The following FGF13 variants were observed in gnomAD, a reference collection of about 807,000 sequenced individuals.
FGF13 encodes the protein fibroblast growth factor homologous factor 2.
A neutral mutation model predicts 19.5 loss-of-function variants in FGF13; 2 were observed. That is an observed-to-expected ratio of 0.10 (90% CI 0.04 to 0.32). The LOEUF is 0.32. Among genes scored for constraint, FGF13 ranks in the 10% least tolerant of loss-of-function variants. The pLI is 1.00. For synonymous variants in FGF13, 72 were observed against 76.9 expected (o/e 0.94, Z 0.33); for missense variants, 113 against 192.7 (o/e 0.59, Z 2.45).
chrX:138,703,170 C>T, intron 2 of FGF13, 83 bp from the exon 3 acceptor site: 1 of 717,010 alleles, frequency 1.4e-6, no homozygotes, highest in Non-Finnish European at 2.2e-6. Context: ...ACTGCCTGGT[C>T]CTCCAAAAGT....
chrX:138,892,002 A>ATATGTGTGTGTGTGTGTGTGTGTGTGTG (rs756839627), intron 1 of FGF13, among the ~76,000 whole-genome samples: 2 of 90,369 alleles, frequency 2.2e-5, no homozygotes, highest in African/African-American at 8.5e-5. Context: ...ATATATACAT[A>ATATGTGTGTGTGTGTGTGTGTGTGTGTG]TGTGTGTGTG....
rs141633417 is a variant in FGF13 at position 138,936,837 on chromosome X, G to A, written c.-112-72187C>T. Among the ~76,000 whole-genome samples the A allele has an allele frequency of 3.2e-3, 356 of 112,017 alleles. 1 individual carries two copies. The highest frequency in any genetic ancestry group is 0.011 in the African/African-American group (331 of 30,857). On this transcript the variant is annotated intron_variant, in intron 1 of 2. Transcript: ENST00000421460. Reference sequence around the variant, plus strand: ...CCCTCATCCCTCCACACTGGGGACCGCAAGGCCACAGTGAGGGGAGCGGTC... The same window carrying A: ...CCCTCATCCCTCCACACTGGGGACCACAAGGCCACAGTGAGGGGAGCGGTC...
rs192362333 is a variant in FGF13 at position 138,801,644 on chromosome X, G to C, written c.217+55868C>G. Among the ~76,000 whole-genome samples, 17 of 111,958 alleles carry C rather than the reference G, an allele frequency of 1.5e-4. No individual in the cohort carries two copies. In the East Asian group the frequency reaches 4.8e-3, roughly 32 times the overall value. On this transcript the variant is annotated intron_variant, in intron 3 of 6. Coordinates refer to the FGF13 transcript ENST00000436198. ...GAGATCTACTGCTCTCTTAGAGCTG[G>C]CAGGCAGGAACGTTTAAGTTTGCTG...
chrX:138,880,728 A>C (rs969919747), intron 1 of FGF13, among the ~76,000 whole-genome samples: 7 of 112,244 alleles, frequency 6.2e-5, no homozygotes, highest in African/African-American at 2.3e-4. Context: ...TCAAAAATCA[A>C]TTTATCTTAG....
chrX:139,124,661 C>T (rs2083702451), intron 1 of FGF13, among the ~76,000 whole-genome samples: 1 of 112,013 alleles, frequency 8.9e-6, no homozygotes, highest in African/African-American at 3.2e-5. Context: ...GACAGGTTAC[C>T]TCACCTCAGT....
chrX:138,804,746 A>G (rs2090853726), intron 3 of FGF13, among the ~76,000 whole-genome samples: 1 of 112,203 alleles, frequency 8.9e-6, no homozygotes, highest in Admixed American at 9.5e-5. Flanking sequence ...AAGTATATTA[A>G]AAAACAGTTC....
chrX:138,932,318 C>T (rs1397345271), intron 1 of FGF13, among the ~76,000 whole-genome samples: 2 of 112,028 alleles, frequency 1.8e-5, no homozygotes, highest in East Asian at 5.6e-4. Flanking sequence ...CAATGGCTCA[C>T]GCCTGTAATC....
intron 3 of FGF13, among the ~76,000 whole-genome samples, chrX:138,646,934 C>T (rs1369814259): frequency 4.5e-5 from 5 of 111,009 alleles, no homozygotes; most frequent in South Asian, 3.8e-4. Context: ...CATTTGCTTT[C>T]CCCAATTCTA....
At chrX:138,943,818 A>G (rs1040059525) in intron 1 of FGF13, among the ~76,000 whole-genome samples, 1 of 111,742 alleles carries the variant, frequency 8.9e-6, no homozygotes, top group Non-Finnish European at 1.9e-5. Context: ...GTATAACAGG[A>G]TAAGTGGACA....
intron 1 of FGF13, among the ~76,000 whole-genome samples, chrX:138,995,818 G>C (rs1470267548): frequency 8.9e-6 from 1 of 112,139 alleles, no homozygotes; most frequent in Non-Finnish European, 1.9e-5. Context: ...CTCTGCATAT[G>C]CACCCAGTAA....
At chrX:139,069,583 C>T (rs977240986) in intron 1 of FGF13, among the ~76,000 whole-genome samples, 7 of 106,666 alleles carry the variant, frequency 6.6e-5, no homozygotes, top group Non-Finnish European at 9.7e-5. Context: ...CTGCTCAATG[C>T]GCACATGTAC....
Position 139,176,657 on chromosome X carries a change from C to T in FGF13, c.-113+26759G>A, listed in dbSNP as rs765251494. Among the ~76,000 whole-genome samples, 7 of 111,173 alleles carry T rather than the reference C, an allele frequency of 6.3e-5. No homozygotes were observed. In the Admixed American group the frequency reaches 6.7e-4, roughly 11 times the overall value. On this transcript the variant is annotated intron_variant, in intron 1 of 2. Coordinates refer to the FGF13 transcript ENST00000421460. Reference sequence around the variant, plus strand: ...GTTTCAAAGAACTTATTTATTTCTGCCTTCATTTTGTTATTTACCCACTAG... The same window carrying T: ...GTTTCAAAGAACTTATTTATTTCTGTCTTCATTTTGTTATTTACCCACTAG...
At position 138,707,520 on chromosome X, in the gene FGF13, T is replaced by C. The variant is rs113010689; in HGVS notation, c.298+1298A>G. 6.3e-3 allele frequency among the ~76,000 whole-genome samples: 706 copies of C among 111,850 alleles called. 1 individual carries two copies. Among genetic ancestry groups the C allele is most frequent in the Middle Eastern group, 0.023 (5 of 216 alleles). On this transcript the variant is annotated intron_variant, in intron 2 of 4. Coordinates refer to ENST00000315930, the MANE Select transcript of FGF13 (RefSeq NM_004114.5). ...TTGCACAATAACTTATGGGAATGTT[T>C]TATTGCAGATGATCACTATACACTA...
At chrX:138,948,802 T>G (rs978506366) in intron 1 of FGF13, among the ~76,000 whole-genome samples, 1 of 112,070 alleles carries the variant, frequency 8.9e-6, no homozygotes, top group African/African-American at 3.2e-5. Context: ...CCTTGTTAGA[T>G]AGCACATTTT....
intron 1 of FGF13, among the ~76,000 whole-genome samples, chrX:138,720,097 A>C (rs983977086): frequency 1.8e-5 from 2 of 112,523 alleles, no homozygotes; most frequent in African/African-American, 6.4e-5. Flanking sequence ...TTGAGCACCA[A>C]CTCTACTCCG....
In FGF13 at chrX:139,068,193, T is replaced by C. The variant is rs1271301997; in HGVS notation, c.-113+135223A>G. On this transcript the variant is annotated intron_variant, in intron 1 of 2. Coordinates refer to the FGF13 transcript ENST00000421460. Reference sequence around the variant, plus strand: ...TGTAAGGAAGGGATCCAGTTTCAGCTTTCTACATATGGCTAGCCAGTTTTC... The same window carrying C: ...TGTAAGGAAGGGATCCAGTTTCAGCCTTCTACATATGGCTAGCCAGTTTTC... 1.3e-3 allele frequency among the ~76,000 whole-genome samples: 123 copies of C among 92,185 alleles called. 2 individuals carry two copies. The highest frequency in any genetic ancestry group is 5.8e-3 in the African/African-American group (120 of 20,644). 80.1% of individuals were successfully genotyped at this position (92,185 alleles called of 115,157 possible). A position where few individuals can be genotyped will look rare whatever the true frequency, so the allele number is the denominator to read the frequency against.
In FGF13 at chrX:138,625,074, A is replaced by G. The variant is rs185376848; in HGVS notation, c.*7776T>C. 1.8e-5 allele frequency: 2 copies of G among 111,022 alleles called. No homozygotes were observed. The highest frequency in any genetic ancestry group is 1.9e-4 in the Admixed American group (2 of 10,355). 9.1% of individuals were successfully genotyped at this position (111,022 alleles called of 1,213,427 possible). A position where few individuals can be genotyped will look rare whatever the true frequency, so the allele number is the denominator to read the frequency against. ...GAAGACATACAAATGGCCAACATATATCTGAAAAGGTACTTAACATCATTA... is the reference window on the plus strand; with the variant it reads ...GAAGACATACAAATGGCCAACATATGTCTGAAAAGGTACTTAACATCATTA... On this transcript the variant is annotated 3_prime_UTR_variant, in exon 5 of 5. Transcript: ENST00000315930.
upstream of FGF13, chrX:138,714,224 T>C (rs928948587): frequency 8.9e-6 from 1 of 111,775 alleles, no homozygotes; most frequent in Non-Finnish European, 1.9e-5. Context: ...CATTCTCCTC[T>C]CTCTTCCACA....
chrX:139,061,045 T>C (rs764287233), intron 1 of FGF13, among the ~76,000 whole-genome samples: 5 of 111,863 alleles, frequency 4.5e-5, no homozygotes, highest in Admixed American at 2.9e-4. Context: ...GAACTTAATA[T>C]ATAAGAACTA....
Sources: gnomAD v4.1 joint callset for allele counts (sites outside exome capture counted in the v4.1 genomes callset) on GRCh38, gnomAD v4.1.1 for gene constraint, MANE v1.5 for transcripts, NCBI Gene and HGNC (gene_info 2026-07-23, HGNC 2026-07-21) for gene names.